PTPN14: variants seen among roughly 807,000 people sequenced by gnomAD.
PTPN14 encodes the protein tyrosine-protein phosphatase non-receptor type 14.
Under a neutral mutation model 126.8 loss-of-function variants are expected in PTPN14, and 53 were observed. That is an observed-to-expected ratio of 0.42 (90% confidence interval 0.34 to 0.53). The LOEUF (loss-of-function observed/expected upper bound fraction) is 0.53, where lower values mean the gene tolerates loss of function less well. PTPN14 is among the 20% of genes least tolerant of loss of function. PTPN14 has a pLI of 0.08. For missense variants in PTPN14, 1,257 were observed against 1,552.9 expected (o/e 0.81, Z 3.20); for synonymous variants, 630 against 599.3 (o/e 1.05, Z -0.75).
intron 1 of PTPN14, among the ~76,000 whole-genome samples, chr1:214,533,984 A>G (rs781288629): frequency 4.2e-4 from 64 of 152,224 alleles, no homozygotes; most frequent in Non-Finnish European, 1.0e-4. Context: ...AGAAAATTAT[A>G]AGTGGCTCTT....
At position 214,384,322 on chromosome 1, in the gene PTPN14, G is replaced by A; in HGVS notation, c.1533C>T (p.Val511=). The A allele has an allele frequency of 6.2e-7, 1 of 1,614,174 alleles. No individual in the cohort carries two copies. Reference sequence around the variant, plus strand: ...TTGGGTTCCTCTGGTCAGATGGACTGACAAGTTTGTTGCTGTAGACCCCCT... The same window carrying A: ...TTGGGTTCCTCTGGTCAGATGGACTAACAAGTTTGTTGCTGTAGACCCCCT... The part of the protein sequence containing the change: ...GPQGVYSNKL[V]SPSDQRNPKN... Residue 511 remains valine, a synonymous_variant, in exon 13 of 19, where the codon GTC becomes GTT. Transcript: ENST00000366956. This position sits in a 1 kb window ranked among gnomAD's most constrained non-coding sequence, Gnocchi z 5.3.
intron 3 of PTPN14, among the ~76,000 whole-genome samples, chr1:214,436,041 C>T (rs1445537401): frequency 6.6e-6 from 1 of 152,156 alleles, no homozygotes; most frequent in East Asian, 1.9e-4. Context: ...GTTACATATA[C>T]ACCATGGAAT....
At chr1:214,481,963 G>A (rs1339474953) in intron 1 of PTPN14, among the ~76,000 whole-genome samples, 1 of 151,456 alleles carries the variant, frequency 6.6e-6, no homozygotes, top group Non-Finnish European at 1.5e-5. Flanking sequence ...CTCCAGCCTG[G>A]GTGACAGAGC....
chr1:214,456,470 G>T (rs1459995977), intron 2 of PTPN14, among the ~76,000 whole-genome samples: 4 of 152,150 alleles, frequency 2.6e-5, no homozygotes, highest in African/African-American at 4.8e-5. Context: ...GTTGGATAAC[G>T]GTAGAAAAGA....
rs1657712360 is a variant in PTPN14 at position 214,351,712 on chromosome 1, C to A, written c.*6210G>T. 6.6e-6 allele frequency: 1 copy of A among 152,210 alleles called. No homozygotes were observed. The highest frequency in any genetic ancestry group is 1.5e-5 in the Non-Finnish European group (1 of 68,048). 9.4% of individuals were successfully genotyped at this position (152,210 alleles called of 1,614,324 possible). A position where few individuals can be genotyped will look rare whatever the true frequency, so the allele number is the denominator to read the frequency against. ...AATCCATGACATTCATCAAGCTCTA[C>A]CTCAACAGTGAAGACAGTTTAAAAC... On this transcript the variant is annotated 3_prime_UTR_variant, in exon 19 of 19. Transcript: ENST00000366956.
intron 11 of PTPN14, among the ~76,000 whole-genome samples, chr1:214,389,166 G>A (rs1031140625): frequency 6.6e-6 from 1 of 152,160 alleles, no homozygotes; most frequent in East Asian, 1.9e-4. Context: ...ACAGTGGGGA[G>A]GGATTTGTAC....
At chr1:214,436,786 C>CAAAAAAAAAA (rs1159209240) in intron 3 of PTPN14, among the ~76,000 whole-genome samples, 569 of 46,504 alleles carry the variant, frequency 0.012, 32 homozygotes, top group African/African-American at 0.04. Flanking sequence ...GACTCCGTCT[C>CAAAAAAAAAA]AAAAAAAAAA....
intron 12 of PTPN14, among the ~76,000 whole-genome samples, chr1:214,386,340 T>C (rs1466784044): frequency 6.6e-6 from 1 of 152,122 alleles, no homozygotes; most frequent in Non-Finnish European, 1.5e-5. Flanking sequence ...AAGAGAGGAA[T>C]AAAACAGATT....
At chr1:214,465,412 C>CA (rs1182759362) in intron 1 of PTPN14, among the ~76,000 whole-genome samples, 4 of 152,088 alleles carry the variant, frequency 2.6e-5, no homozygotes, top group African/African-American at 9.7e-5. Context: ...GAGTCCAAAA[C>CA]CAGCCTGGAC....
chr1:214,423,818 T>C (rs1202152802), intron 3 of PTPN14, among the ~76,000 whole-genome samples: 2 of 150,880 alleles, frequency 1.3e-5, no homozygotes, highest in Non-Finnish European at 2.9e-5. Flanking sequence ...ACGTCTCTAC[T>C]AAAAATACAA....
At chr1:214,533,549 A>T (rs1390506835) in intron 1 of PTPN14, 3 of 304,992 alleles carry the variant, frequency 9.8e-6, no homozygotes, top group Non-Finnish European at 1.9e-5. Flanking sequence ...AAAAAAAAAA[A>T]GGCTGGGTGC....
Position 214,464,946 on chromosome 1 carries a change from T to G in PTPN14, c.-143A>C. On this transcript the variant is annotated 5_prime_UTR_variant, in exon 2 of 19. Transcript: ENST00000366956. Reference sequence around the variant, plus strand: ...AGGGTGTCCATGCCCAGTGTGGCCCTCTGGAAGATAGCTGTAAATGCAAAA... The same window carrying G: ...AGGGTGTCCATGCCCAGTGTGGCCCGCTGGAAGATAGCTGTAAATGCAAAA... The G allele has an allele frequency of 3.0e-6, 3 of 984,016 alleles. No homozygotes were observed. The highest frequency in any genetic ancestry group is 4.4e-6 in the Non-Finnish European group (3 of 684,346). The allele number at this position is 984,016 out of a possible 1,614,324, so 61.0% of individuals were successfully genotyped here. A position where few individuals can be genotyped will look rare whatever the true frequency, so the allele number is the denominator to read the frequency against.
At chr1:214,409,877 T>C (rs1037674146) in intron 5 of PTPN14, among the ~76,000 whole-genome samples, 3 of 152,188 alleles carry the variant, frequency 2.0e-5, no homozygotes, top group Non-Finnish European at 4.4e-5. Flanking sequence ...TTCATCGTGG[T>C]TTCAATTTGC....
intron 3 of PTPN14, among the ~76,000 whole-genome samples, chr1:214,435,019 T>C (rs1659880351): frequency 6.6e-6 from 1 of 152,196 alleles, no homozygotes; most frequent in African/African-American, 2.4e-5. Context: ...CATGTGAATT[T>C]GTATTGGGCT....
intron 3 of PTPN14, among the ~76,000 whole-genome samples, chr1:214,425,413 C>T (rs1005782795): frequency 1.3e-5 from 2 of 152,112 alleles, no homozygotes; most frequent in African/African-American, 2.4e-5. Flanking sequence ...TAACTCATTC[C>T]GCCCTCTGTG....
chr1:214,376,528 G>T, intron 14 of PTPN14, 91 bp from the exon 15 acceptor site: 1 of 1,101,292 alleles, frequency 9.1e-7, no homozygotes, highest in Non-Finnish European at 1.3e-6. Flanking sequence ...TAGCGATTGT[G>T]TTAAAAGAGA....
At chr1:214,460,063 G>C (rs1660475672) in intron 2 of PTPN14, among the ~76,000 whole-genome samples, 1 of 152,164 alleles carries the variant, frequency 6.6e-6, no homozygotes, top group African/African-American at 2.4e-5. Flanking sequence ...AGTGGCGTCA[G>C]CTGCCAGGGT....
At chr1:214,506,407 C>T (rs1654845434) in intron 1 of PTPN14, among the ~76,000 whole-genome samples, 1 of 151,906 alleles carries the variant, frequency 6.6e-6, no homozygotes, top group South Asian at 2.1e-4. Flanking sequence ...ATTCCAGCTA[C>T]TCCCGAGGCT....
chr1:214,382,638 ATAT>A (rs1658500603), intron 13 of PTPN14, among the ~76,000 whole-genome samples: 1 of 152,196 alleles, frequency 6.6e-6, no homozygotes, highest in African/African-American at 2.4e-5. Flanking sequence ...GGCTCTGTAC[ATAT>A]TATGAAGAAG....
Sources: allele counts gnomAD v4.1 joint callset (sites outside exome capture counted in the v4.1 genomes callset), GRCh38; gene constraint gnomAD v4.1.1; non-coding constraint Gnocchi (gnomAD v3.1); transcripts MANE v1.5; gene names NCBI Gene and HGNC (gene_info 2026-07-23, HGNC 2026-07-21).